Variants in DPP6 observed in about 807,000 individuals in gnomAD.
The protein encoded by DPP6 is dipeptidyl peptidase like 6.
A neutral mutation model predicts 122.6 loss-of-function variants in DPP6; 69 were observed. The ratio of observed to expected loss-of-function variants is 0.56; its 90% CI spans 0.46 to 0.69. The LOEUF is 0.69. DPP6 is among the 30% of genes least tolerant of loss of function. The probability of loss-of-function intolerance (pLI) is 0.00; values close to 1 mark genes in which losing one functional copy is unlikely to be tolerated. For synonymous variants in DPP6, 418 were observed against 433.1 expected (o/e 0.97, Z 0.43); for missense variants, 928 against 1,116.9 (o/e 0.83, Z 2.41).
chr7:154,539,031 A>G (rs1426074716), intron 3 of DPP6, among the ~76,000 whole-genome samples: 1 of 151,976 alleles, frequency 6.6e-6, no homozygotes, highest in Non-Finnish European at 1.5e-5. Context: ...CATTTTCCTC[A>G]TAAAATCTAC....
At chr7:154,220,490 T>C (rs1266525031) in intron 1 of DPP6, among the ~76,000 whole-genome samples, 3 of 152,140 alleles carry the variant, frequency 2.0e-5, no homozygotes, top group Non-Finnish European at 1.5e-5. Context: ...ACCTGGGTGA[T>C]GAAATAATCT....
intron 7 of DPP6, among the ~76,000 whole-genome samples, chr7:154,683,186 A>G (rs1001404177): frequency 6.6e-6 from 1 of 152,136 alleles, no homozygotes; most frequent in African/African-American, 2.4e-5. Flanking sequence ...ATTAGGCCAG[A>G]TTTAATTAAC....
chr7:153,891,919 A>T (rs920806019), intron 1 of DPP6, among the ~76,000 whole-genome samples: 1 of 152,214 alleles, frequency 6.6e-6, no homozygotes, highest in African/African-American at 2.4e-5. Context: ...TCTGCAAGCC[A>T]TGTTGATCCT....
chr7:153,973,441 A>G (rs1415759897), intron 1 of DPP6, among the ~76,000 whole-genome samples: 2 of 152,188 alleles, frequency 1.3e-5, no homozygotes, highest in African/African-American at 4.8e-5. Context: ...AAAATGGACT[A>G]TGTGGAGGTC....
chr7:153,967,683 A>G (rs1240392878), intron 1 of DPP6, among the ~76,000 whole-genome samples: 3 of 152,110 alleles, frequency 2.0e-5, no homozygotes, highest in South Asian at 2.1e-4. Flanking sequence ...TGCCTGTGAT[A>G]CACTGTTGGT....
rs368362408 is a variant in DPP6 at position 154,463,195 on chromosome 7, C to CTT, written c.359-11715_359-11714dup. 3.8e-3 allele frequency among the ~76,000 whole-genome samples: 317 copies of CTT among 84,122 alleles called. 26 individuals carry two copies. Among genetic ancestry groups the CTT allele is most frequent in the Non-Finnish European group, 5.5e-3 (228 of 41,524 alleles). 55.2% of individuals were successfully genotyped at this position (84,122 alleles called of 152,430 possible). Reference sequence around the variant, plus strand: ...GCTTTTTACCTTTACTTCTCCTTTTCTTTTTTTTTTTTTTTTTTTTTTTTT... The same window carrying CTT: ...GCTTTTTACCTTTACTTCTCCTTTTCTTTTTTTTTTTTTTTTTTTTTTTTTTT... On this transcript the variant is annotated intron_variant, in intron 2 of 25. Coordinates refer to ENST00000377770, the MANE Select transcript of DPP6 (RefSeq NM_130797.4).
intron 5 of DPP6, among the ~76,000 whole-genome samples, chr7:154,611,545 G>A (rs553978916): frequency 3.0e-4 from 46 of 152,306 alleles, no homozygotes; most frequent in African/African-American, 1.1e-3. Context: ...GTGCATGTGT[G>A]TGTGTGTAAT....
intron 7 of DPP6, among the ~76,000 whole-genome samples, chr7:154,721,718 G>T (rs1841819983): frequency 1.3e-5 from 2 of 152,082 alleles, no homozygotes; most frequent in Admixed American, 6.6e-5. Context: ...CACCTCCTCT[G>T]AAGCCTGTTC....
the DPP6 span, among the ~76,000 whole-genome samples, chr7:153,786,241 C>T: frequency 1.5e-5 from 2 of 134,848 alleles, no homozygotes; most frequent in East Asian, 4.0e-4. Context: ...TATATATTAA[C>T]CCTTCTGTTG....
At chr7:154,652,405 G>GTT (rs55681006) in intron 6 of DPP6, among the ~76,000 whole-genome samples, 1 of 143,078 alleles carries the variant, frequency 7.0e-6, no homozygotes. Context: ...TAAGTCTGTG[G>GTT]TTTTTTTTTT....
At chr7:153,879,953 TA>T in the DPP6 span, among the ~76,000 whole-genome samples, 1 of 152,208 alleles carries the variant, frequency 6.6e-6, no homozygotes, top group Non-Finnish European at 1.5e-5. Context: ...AATTAAATTT[TA>T]AAAAGCTATG....
intron 1 of DPP6, among the ~76,000 whole-genome samples, chr7:153,989,160 G>C (rs540103200): frequency 8.8e-5 from 13 of 147,818 alleles, no homozygotes; most frequent in Non-Finnish European, 1.5e-4. Context: ...TGTGAGTGTG[G>C]GTGAGCGTGT....
chr7:154,693,199 G>A (rs1436666498), intron 7 of DPP6, among the ~76,000 whole-genome samples: 2 of 152,142 alleles, frequency 1.3e-5, no homozygotes, highest in African/African-American at 2.4e-5. Flanking sequence ...TGAGTGTGCT[G>A]TGAGTTGTGT....
At chr7:154,806,919 A>G in intron 15 of DPP6, 75 bp from the exon 16 acceptor site, 1 of 1,571,104 alleles carries the variant, frequency 6.4e-7, no homozygotes, top group Non-Finnish European at 8.6e-7. Flanking sequence ...GGGAGAGCCC[A>G]CCAGCTTGCG....
chr7:154,856,964 G>A (rs1802891070), intron 17 of DPP6, among the ~76,000 whole-genome samples: 1 of 151,710 alleles, frequency 6.6e-6, no homozygotes, highest in Admixed American at 6.6e-5. Context: ...GCAAAGTGCT[G>A]ACTAATTGGA....
At position 154,150,980 on chromosome 7, in the gene DPP6, G is replaced by A; in HGVS notation, c.243+97917G>A. Among the ~76,000 whole-genome samples the A allele has an allele frequency of 1.3e-5, 2 of 152,008 alleles. 1 individual carries two copies. Among genetic ancestry groups the A allele is most frequent in the South Asian group, 4.1e-4 (2 of 4,824 alleles). On this transcript the variant is annotated intron_variant, in intron 1 of 25. Coordinates refer to ENST00000377770, the MANE Select transcript of DPP6 (RefSeq NM_130797.4). ...ACCTGTTCCTAGATAGCTGCTTCCT[G>A]CCGGGACTCCGTGATCTTGTCTGCA...
In DPP6 at chr7:154,795,225, T is replaced by A. The variant is rs1587163642; in HGVS notation, c.1261-620T>A. 3.9e-5 allele frequency among the ~76,000 whole-genome samples: 6 copies of A among 152,294 alleles called. No homozygotes were observed. In the South Asian group the frequency reaches 1.2e-3, roughly 32 times the overall value. ...CCTGCTATAACCCATGACAGAGGCCTGCTCCAGGGGCCCGGAGGTCCAGTC... is the reference window on the plus strand; with the variant it reads ...CCTGCTATAACCCATGACAGAGGCCAGCTCCAGGGGCCCGGAGGTCCAGTC... On this transcript the variant is annotated intron_variant, in intron 11 of 25. Coordinates refer to ENST00000377770, the MANE Select transcript of DPP6 (RefSeq NM_130797.4).
chr7:154,840,478 C>G (rs569854210), intron 16 of DPP6, among the ~76,000 whole-genome samples: 4 of 152,260 alleles, frequency 2.6e-5, no homozygotes, highest in Admixed American at 6.5e-5. Flanking sequence ...AGATGGACTC[C>G]CATGTACTCC....
chr7:154,431,192 C>T (rs1182685220), intron 1 of DPP6, among the ~76,000 whole-genome samples: 1 of 152,184 alleles, frequency 6.6e-6, no homozygotes, highest in African/African-American at 2.4e-5. Flanking sequence ...TCGCTGGGAG[C>T]CACAGGCCAC....
Sources: gnomAD v4.1 joint callset for allele counts (sites outside exome capture counted in the v4.1 genomes callset) on GRCh38, gnomAD v4.1.1 for gene constraint, MANE v1.5 for transcripts, NCBI Gene and HGNC (gene_info 2026-07-23, HGNC 2026-07-21) for gene names.